The following ASZ1 variants were observed in gnomAD, a reference collection of about 807,000 sequenced individuals.
ASZ1 encodes ankyrin repeat, SAM and basic leucine zipper domain-containing protein 1.
A neutral mutation model predicts 61.8 loss-of-function variants in ASZ1; 67 were observed. That is an observed-to-expected ratio of 1.08 (90% CI 0.89 to 1.33). ASZ1 has a LOEUF of 1.33. ASZ1 is among the 40% of genes most tolerant of loss of function. ASZ1 has a pLI of 0.00. For missense variants in ASZ1, 577 were observed against 554.5 expected (o/e 1.04, Z -0.41); for synonymous variants, 193 against 192.7 (o/e 1.00, Z -0.01).
At position 117,377,126 on chromosome 7, in the gene ASZ1, A is replaced by G. The variant is rs201981759; in HGVS notation, c.1055+2812T>C. Among the ~76,000 whole-genome samples, 3 of 152,332 alleles carry G rather than the reference A, an allele frequency of 2.0e-5. No individual in the cohort carries two copies. The East Asian group carries it at 5.8e-4, about 29-fold the overall frequency. ...ATCAATTGCACATGGAAACAAATAAAAAGAGAAATACCATTGGCAATTGTG... is the reference window on the plus strand; with the variant it reads ...ATCAATTGCACATGGAAACAAATAAGAAGAGAAATACCATTGGCAATTGTG... On this transcript the variant is annotated intron_variant, in intron 10 of 12. Transcript: ENST00000284629.
intron 4 of ASZ1, among the ~76,000 whole-genome samples, chr7:117,397,151 G>A (rs967577018): frequency 6.6e-6 from 1 of 152,118 alleles, no homozygotes; most frequent in Non-Finnish European, 1.5e-5. Flanking sequence ...TGAGGCAGGA[G>A]TATCTCTTGA....
At chr7:117,422,616 T>C (rs1283663195) in intron 2 of ASZ1, among the ~76,000 whole-genome samples, 1 of 152,214 alleles carries the variant, frequency 6.6e-6, no homozygotes, top group Admixed American at 6.5e-5. Context: ...TAACTGAGTA[T>C]GTATATTATA....
At chr7:117,384,629 T>C (rs1287059575) in intron 6 of ASZ1, 97 bp downstream of exon 6, 2 of 1,369,520 alleles carry the variant, frequency 1.5e-6, no homozygotes, top group African/African-American at 1.5e-5. Context: ...AGATACACTA[T>C]AATTACACTT....
chr7:117,400,572 T>A (rs1292247843), intron 4 of ASZ1, among the ~76,000 whole-genome samples: 1 of 152,196 alleles, frequency 6.6e-6, no homozygotes, highest in Non-Finnish European at 1.5e-5. Context: ...AGTTCAGGTC[T>A]ACTAAAGCAC....
At chr7:117,401,024 A>G (rs1796671011) in intron 4 of ASZ1, among the ~76,000 whole-genome samples, 1 of 152,200 alleles carries the variant, frequency 6.6e-6, no homozygotes, top group South Asian at 2.1e-4. Context: ...GCTACCAGGC[A>G]TCGTAAATTG....
Position 117,427,351 on chromosome 7 carries a change from G to A in ASZ1, c.105+5C>T, listed in dbSNP as rs200316035. ...GTGTGGTCAAGACAAGGCCTCCTCC[G>A]CTACCTGAGACGTCCGGTCGAGATA... is the stretch of plus-strand genomic sequence containing the variant. On this transcript the variant is annotated splice_donor_5th_base_variant and intron_variant, in intron 1 of 12. Coordinates refer to ENST00000284629, the MANE Select transcript of ASZ1 (RefSeq NM_130768.3). 2.9e-5 allele frequency: 47 copies of A among 1,614,068 alleles called. 1 individual carries two copies. Among genetic ancestry groups the A allele is most frequent in the African/African-American group, 2.7e-4 (20 of 75,050 alleles).
At chr7:117,382,743 TAG>T (rs1250473301) in intron 7 of ASZ1, among the ~76,000 whole-genome samples, 3 of 152,228 alleles carry the variant, frequency 2.0e-5, no homozygotes, top group Admixed American at 1.3e-4. Context: ...CTTTTAAAAA[TAG>T]ATTTTATTGT....
chr7:117,371,050 C>T (rs1397564946), intron 10 of ASZ1, among the ~76,000 whole-genome samples: 1 of 152,128 alleles, frequency 6.6e-6, no homozygotes, highest in East Asian at 1.9e-4. Flanking sequence ...GCCTTGAACT[C>T]CTGGCCTCAT....
At chr7:117,393,606 C>G (rs969767869) in intron 4 of ASZ1, among the ~76,000 whole-genome samples, 2 of 152,068 alleles carry the variant, frequency 1.3e-5, no homozygotes, top group African/African-American at 4.8e-5. Context: ...ATTTTCCACT[C>G]TAATGTAATG....
intron 4 of ASZ1, among the ~76,000 whole-genome samples, chr7:117,401,769 G>A (rs1375262511): frequency 6.6e-6 from 1 of 152,118 alleles, no homozygotes; most frequent in Non-Finnish European, 1.5e-5. Context: ...TCCAAGAAAT[G>A]GGCCAGGGGT....
At chr7:117,387,843 T>C (rs550757775) in intron 4 of ASZ1, among the ~76,000 whole-genome samples, 89 of 152,328 alleles carry the variant, frequency 5.8e-4, no homozygotes, top group African/African-American at 2.0e-3. Context: ...GACCTTCATA[T>C]TGCTAACTCC....
At chr7:117,365,099 A>G (rs1439525126) in intron 12 of ASZ1, among the ~76,000 whole-genome samples, 1 of 152,220 alleles carries the variant, frequency 6.6e-6, no homozygotes. Context: ...GGAAGCCTTC[A>G]TAATTCCCTA....
At position 117,401,434 on chromosome 7, in the gene ASZ1, G is replaced by C. The variant is rs1796679250; in HGVS notation, c.441-15625C>G. Among the ~76,000 whole-genome samples the C allele has an allele frequency of 1.3e-5, 2 of 150,676 alleles. 1 individual carries two copies. Among genetic ancestry groups the C allele is most frequent in the South Asian group, 4.2e-4 (2 of 4,760 alleles). On this transcript the variant is annotated intron_variant, in intron 4 of 12. Transcript: ENST00000284629. ...ACAGAAAATATTAAAAACAACCAGA[G>C]GATAAAATCTAATACCTTCAAAGAA...
chr7:117,382,795 T>C, intron 7 of ASZ1, among the ~76,000 whole-genome samples, 191 bp downstream of exon 7: 1 of 152,180 alleles, frequency 6.6e-6, no homozygotes, highest in African/African-American at 2.4e-5. Context: ...GTTATTATCA[T>C]TAGTGTTAGT....
chr7:117,424,571 T>C (rs10249651), intron 2 of ASZ1, among the ~76,000 whole-genome samples: 61,329 of 152,006 alleles, frequency 0.4, 12,548 homozygotes, highest in South Asian at 0.47. Context: ...TACTTAGCAG[T>C]AGGCTCTGTT....
At chr7:117,374,606 G>A (rs865940237) in intron 10 of ASZ1, among the ~76,000 whole-genome samples, 3 of 151,944 alleles carry the variant, frequency 2.0e-5, no homozygotes, top group East Asian at 1.9e-4. Flanking sequence ...ACTGGAATAC[G>A]TTGAAATAAA....
At chr7:117,368,935 A>G (rs1795996316) in intron 10 of ASZ1, among the ~76,000 whole-genome samples, 1 of 152,188 alleles carries the variant, frequency 6.6e-6, no homozygotes, top group African/African-American at 2.4e-5. Flanking sequence ...TAAGATGCAG[A>G]TATACAATTA....
At chr7:117,386,413 G>A (rs1796356815) in intron 4 of ASZ1, among the ~76,000 whole-genome samples, 1 of 152,162 alleles carries the variant, frequency 6.6e-6, no homozygotes, top group Admixed American at 6.6e-5. Flanking sequence ...CTTTCTGGGA[G>A]AGGATAGTGG....
intron 4 of ASZ1, 40 bp from the exon 5 acceptor site, chr7:117,385,849 G>A: frequency 7.0e-7 from 1 of 1,435,370 alleles, no homozygotes; most frequent in Non-Finnish European, 9.8e-7. Context: ...TGTTAATGCT[G>A]CCATTAATCT....
Sources: allele counts gnomAD v4.1 joint callset (sites outside exome capture counted in the v4.1 genomes callset), GRCh38; gene constraint gnomAD v4.1.1; transcripts MANE v1.5; gene names NCBI Gene and HGNC (gene_info 2026-07-23, HGNC 2026-07-21).